IFFO2: variants seen among roughly 807,000 people sequenced by gnomAD.
IFFO2 encodes the protein intermediate filament family orphan 2.
Under a neutral mutation model 53.5 loss-of-function variants are expected in IFFO2, and 19 were observed. The observed-to-expected ratio is 0.36, with a 90% CI of 0.25 to 0.52. IFFO2 has a LOEUF of 0.52. Among genes scored for constraint, IFFO2 ranks in the 20% least tolerant of loss-of-function variants. The pLI is 0.94. For missense variants in IFFO2, 570 were observed against 727.4 expected (o/e 0.78, Z 2.49); for synonymous variants, 303 against 313.6 (o/e 0.97, Z 0.36).
chr1:18,955,935 G>C lies in IFFO2; in HGVS notation c.398C>G (p.Ala133Gly). ...HGLSSGAAAG[A>G]NANAVALGGL... ...GCCCAGGGCCACGGCATTGGCGTTG[G>C]CGCCGGCCGCCGCGCCACTGCTGAG... The change falls in exon 1 of 9, where the codon GCC becomes GGC. Residue 133 changes from alanine (A) to glycine (G), a missense_variant. Ala to Gly is a moderately conservative substitution (Grantham distance 60). Coordinates refer to ENST00000455833, the MANE Select transcript of IFFO2 (RefSeq NM_001136265.2). 7.9e-7 allele frequency: 1 copy of C among 1,269,622 alleles called. No homozygotes were observed. The highest frequency in any genetic ancestry group is 9.9e-7 in the Non-Finnish European group (1 of 1,013,314). 78.6% of individuals were successfully genotyped at this position (1,269,622 alleles called of 1,614,324 possible).
chr1:18,939,212 A>T (rs1279457659), intron 1 of IFFO2, among the ~76,000 whole-genome samples: 2 of 152,202 alleles, frequency 1.3e-5, no homozygotes, highest in Non-Finnish European at 2.9e-5. Context: ...CTGCCAACCC[A>T]GGGAACCAGC....
rs867208637 is a variant in IFFO2 at position 18,956,204 on chromosome 1, C to A, written c.129G>T (p.Thr43=). ...AGCCCAGGTCGTCCCGCAGCGCCGC[C>A]GTCACCGGCGACGGACCCGGCCCTG... ...GGAGPGPSPV[T]AALRDDLGSN... Residue 43 remains threonine (T), a synonymous_variant, in exon 1 of 9, where the codon ACG becomes ACT. Coordinates refer to ENST00000455833, the MANE Select transcript of IFFO2 (RefSeq NM_001136265.2). The surrounding 1 kb of genome is among the most constrained non-coding windows in gnomAD (Gnocchi z 6.4). The A allele has an allele frequency of 4.2e-6, 6 of 1,419,588 alleles. No individual in the cohort carries two copies. The highest frequency in any genetic ancestry group is 2.1e-4 in the Middle Eastern group (1 of 4,692). The allele number at this position is 1,419,588 out of a possible 1,614,324, so 87.9% of individuals were successfully genotyped here. A position where few individuals can be genotyped will look rare whatever the true frequency, so the allele number is the denominator to read the frequency against.
rs185002083 is a variant in IFFO2, at chr1:18,953,587, C to G, written c.665+2081G>C. On this transcript the variant is annotated intron_variant, in intron 1 of 8. Transcript: ENST00000455833. ...CTAGCCCCCCCTCAACCTCACTTCA[C>G]AGACGGGGAAACTGAGGCCCCAGGA... 1.3e-3 allele frequency among the ~76,000 whole-genome samples: 198 copies of G among 152,318 alleles called. 1 individual carries two copies. Among genetic ancestry groups the G allele is most frequent in the African/African-American group, 4.4e-3 (181 of 41,562 alleles).
At chr1:18,954,953 G>A (rs1936704972) in intron 1 of IFFO2, among the ~76,000 whole-genome samples, 1 of 152,220 alleles carries the variant, frequency 6.6e-6, no homozygotes, top group African/African-American at 2.4e-5. Flanking sequence ...GAAGAGGGAT[G>A]AAAGGAGGCA....
chr1:18,921,622 G>A (rs1936216894), intron 1 of IFFO2, among the ~76,000 whole-genome samples: 1 of 152,224 alleles, frequency 6.6e-6, no homozygotes, highest in Admixed American at 6.5e-5. Context: ...CTACGTAGGT[G>A]TTATCATTCC....
At chr1:18,942,847 T>TC (rs1936537551) in intron 1 of IFFO2, among the ~76,000 whole-genome samples, 1 of 149,890 alleles carries the variant, frequency 6.7e-6, no homozygotes, top group South Asian at 2.1e-4. Context: ...TTTCTTTTTT[T>TC]TTTTTTTTTG....
intron 5 of IFFO2, among the ~76,000 whole-genome samples, chr1:18,914,664 CA>C (rs71577804): frequency 2.2e-4 from 33 of 150,480 alleles, no homozygotes; most frequent in Non-Finnish European, 3.4e-4. Flanking sequence ...TAAAAAAATA[CA>C]AAAAAAAATT....
intron 8 of IFFO2, among the ~76,000 whole-genome samples, chr1:18,908,903 G>T (rs1337160455): frequency 2.6e-5 from 4 of 152,184 alleles, no homozygotes; most frequent in African/African-American, 9.7e-5. Flanking sequence ...CCCCTTGGGA[G>T]CTGGACCGTG....
At position 18,917,163 on chromosome 1, in the gene IFFO2, G is replaced by T; in HGVS notation, c.964-121C>A. 1.8e-6 allele frequency: 2 copies of T among 1,119,642 alleles called. No individual in the cohort carries two copies. The highest frequency in any genetic ancestry group is 2.5e-6 in the Non-Finnish European group (2 of 794,884). The allele number at this position is 1,119,642 out of a possible 1,614,324, so 69.4% of individuals were successfully genotyped here. On this transcript the variant is annotated intron_variant, in intron 4 of 8. Transcript: ENST00000455833. This position sits in a 1 kb window ranked among gnomAD's most constrained non-coding sequence, Gnocchi z 5.9. Reference sequence around the variant, plus strand: ...ATGAGCGTGACTGGGGCCGGCCAGTGCCAGGAAAGGTGCAGGTCCTCTAAG... The same window carrying T: ...ATGAGCGTGACTGGGGCCGGCCAGTTCCAGGAAAGGTGCAGGTCCTCTAAG...
At chr1:18,938,348 G>A (rs767342118) in intron 1 of IFFO2, among the ~76,000 whole-genome samples, 23 of 152,206 alleles carry the variant, frequency 1.5e-4, no homozygotes, top group African/African-American at 4.8e-4. Flanking sequence ...TGGGAAGGCT[G>A]GGAGGGAGGC....
intron 1 of IFFO2, among the ~76,000 whole-genome samples, chr1:18,941,278 C>T (rs762515236): frequency 7.2e-5 from 11 of 152,240 alleles, no homozygotes; most frequent in Admixed American, 3.9e-4. Context: ...AGGGGCTGAG[C>T]GCAAGCCAAG....
At chr1:18,911,238 GC>G in intron 7 of IFFO2, 145 bp downstream of exon 7, 2 of 408,704 alleles carry the variant, frequency 4.9e-6, no homozygotes, top group East Asian at 3.6e-5. Flanking sequence ...GACATTACTC[GC>G]CCCGAGGCCT....
intron 1 of IFFO2, among the ~76,000 whole-genome samples, chr1:18,942,451 C>T (rs1454180416): frequency 1.3e-5 from 2 of 152,152 alleles, no homozygotes; most frequent in African/African-American, 4.8e-5. Context: ...GCTGAGGGGC[C>T]AGCAGCACAC....
intron 1 of IFFO2, among the ~76,000 whole-genome samples, chr1:18,946,218 G>T (rs146699210): frequency 6.6e-6 from 1 of 152,056 alleles, no homozygotes; most frequent in Non-Finnish European, 1.5e-5. Context: ...AGTGCTCCAC[G>T]GGTATCATTT....
chr1:18,915,769 G>A (rs189453923), intron 5 of IFFO2, among the ~76,000 whole-genome samples: 21 of 152,284 alleles, frequency 1.4e-4, no homozygotes, highest in Admixed American at 1.1e-3. Flanking sequence ...AAGCCGTGCG[G>A]TCAACACAGC....
rs1936049340 is a variant in IFFO2 at position 18,912,082 on chromosome 1, G to A, written c.1105C>T (p.Arg369Trp). 3.9e-6 allele frequency: 6 copies of A among 1,551,488 alleles called. No homozygotes were observed. Among genetic ancestry groups the A allele is most frequent in the South Asian group, 3.6e-5 (3 of 84,038 alleles). Residue 369 changes from arginine (R) to tryptophan (W), a missense_variant and splice_region_variant, in exon 6 of 9, where the codon CGG (arginine) becomes TGG (tryptophan). Physicochemically the swap from Arg to Trp is moderately radical, Grantham distance 101. Coordinates refer to ENST00000455833, the MANE Select transcript of IFFO2 (RefSeq NM_001136265.2). ...DEMKRMFNQL[R>W]ETFDFDDDCD... ...TCGTCGTCAAAGTCAAAGGTCTCCC[G>A]CCTGTGGGGGTGACACCAGAGGGCA...
chr1:18,913,922 CT>C (rs1422938611), intron 5 of IFFO2, among the ~76,000 whole-genome samples: 1 of 151,588 alleles, frequency 6.6e-6, no homozygotes, highest in Non-Finnish European at 1.5e-5. Flanking sequence ...GCTCCGCCCC[CT>C]GGGGTTCACG....
chr1:18,930,006 G>T (rs1160337257), intron 1 of IFFO2, among the ~76,000 whole-genome samples: 1 of 152,196 alleles, frequency 6.6e-6, no homozygotes, highest in Non-Finnish European at 1.5e-5. Flanking sequence ...GTCTGTCCTT[G>T]CGTTCCAACC....
chr1:18,941,637 C>G (rs2148186096), intron 1 of IFFO2, among the ~76,000 whole-genome samples: 1 of 152,320 alleles, frequency 6.6e-6, no homozygotes, highest in East Asian at 1.9e-4. Flanking sequence ...CCCCTGTCTT[C>G]CAATTCCCCT....
Sources: allele counts gnomAD v4.1 joint callset (sites outside exome capture counted in the v4.1 genomes callset), GRCh38; gene constraint gnomAD v4.1.1; non-coding constraint Gnocchi (gnomAD v3.1); transcripts MANE v1.5; gene names NCBI Gene and HGNC (gene_info 2026-07-23, HGNC 2026-07-21).